UROC1: variants seen among roughly 807,000 people sequenced by gnomAD.
The protein encoded by UROC1 is urocanate hydratase 1, also known as urocanate hydratase.
UROC1 carries 79 observed loss-of-function variants against 89.5 expected under a neutral mutation model. The ratio of observed to expected loss-of-function variants is 0.88; its 90% CI spans 0.74 to 1.06. The LOEUF is 1.06. Ranked by LOEUF, UROC1 falls within the 50% of genes least tolerant of loss-of-function variation. The pLI is 0.00. For missense variants in UROC1, 885 were observed against 907.8 expected (o/e 0.97, Z 0.32); for synonymous variants, 361 against 354.8 (o/e 1.02, Z -0.20).
chr3:126,508,610 G>A (rs1377471347), intron 3 of UROC1, 135 bp from the exon 4 acceptor site: 1 of 699,010 alleles, frequency 1.4e-6, no homozygotes, highest in African/African-American at 1.8e-5. Context: ...GAGGCCCAGG[G>A]ACGGACACAT....
chr3:126,483,232 C>G, intron 19 of UROC1, 137 bp downstream of exon 19: 1 of 778,786 alleles, frequency 1.3e-6, no homozygotes, highest in Non-Finnish European at 2.2e-6. Context: ...CCCTTCCTGG[C>G]TGCTGTGCTG....
rs114487714 is a variant in UROC1, at chr3:126,501,057, G to A, written c.965+161C>T. ...GGAAGGCTGTGGGCAGGGCAGGGAC[G>A]GCTGCCTCAAGCTTGGGTAAGGGTG... On this transcript the variant is annotated intron_variant, in intron 10 of 19. Coordinates refer to ENST00000290868, the MANE Select transcript of UROC1 (RefSeq NM_144639.3). Among the ~76,000 whole-genome samples the A allele has an allele frequency of 2.6e-3, 400 of 152,324 alleles. 4 individuals are homozygous for A. Among genetic ancestry groups the A allele is most frequent in the African/African-American group, 8.9e-3 (372 of 41,576 alleles).
rs560289494 is a variant in UROC1, at chr3:126,483,443, C to T, written c.1816G>A (p.Gly606Ser). The part of the protein sequence containing the change: ...GWGEVINGGF[G>S]LVLDGTPEAE... ...TCCGGGGTACCGTCCAGCACGAGGC[C>T]GAATCCCCCGTTGATCACCTCACCC... is the stretch of plus-strand genomic sequence containing the variant. The change falls in exon 19 of 20, where the codon GGC becomes AGC. Residue 606 changes from glycine (G) to serine (S), a missense_variant. By Grantham distance (56) the Gly-to-Ser change is moderately conservative. Transcript: ENST00000290868. 20 of 1,613,884 alleles carry T rather than the reference C, an allele frequency of 1.2e-5. No homozygotes were observed. In the Middle Eastern group the frequency reaches 4.9e-4, roughly 40 times the overall value.
intron 11 of UROC1, 60 bp downstream of exon 11, chr3:126,500,635 G>A (rs1379791064): frequency 1.2e-6 from 2 of 1,606,456 alleles, no homozygotes; most frequent in African/African-American, 1.3e-5. Flanking sequence ...GGTGGCCAGA[G>A]CAGGACAAGG....
Position 126,491,521 on chromosome 3 carries a change from T to C in UROC1, c.1608+897A>G, listed in dbSNP as rs539367788. Among the ~76,000 whole-genome samples, 491 of 152,332 alleles carry C rather than the reference T, an allele frequency of 3.2e-3. 1 individual carries two copies. The highest frequency in any genetic ancestry group is 6.0e-3 in the Admixed American group (92 of 15,314). ...TCCAGGAAGCACTGGGTGGGTGCAT[T>C]TGGCTGTGCCCTAGCAGGGCTGGCT... On this transcript the variant is annotated intron_variant, in intron 16 of 19. Coordinates refer to ENST00000290868, the MANE Select transcript of UROC1 (RefSeq NM_144639.3).
chr3:126,501,076 A>G, intron 10 of UROC1, 142 bp downstream of exon 10: 1 of 1,186,594 alleles, frequency 8.4e-7, no homozygotes, highest in South Asian at 1.2e-5. Flanking sequence ...AAGCTTGGGT[A>G]AGGGTGTGGG....
Position 126,495,835 on chromosome 3 carries a change from A to G in UROC1, c.1509+203T>C, listed in dbSNP as rs901076344. On this transcript the variant is annotated intron_variant, in intron 15 of 19. Transcript: ENST00000290868. ...AAGGTCCCCGGCTTCTTTCTCCAGC[A>G]GCCCCTTGGGCTGCTTCCCCTCCCA... Among the ~76,000 whole-genome samples the G allele has an allele frequency of 4.6e-5, 7 of 152,320 alleles. 1 individual carries two copies. The highest frequency in any genetic ancestry group is 6.5e-5 in the Admixed American group (1 of 15,306).
In UROC1 at chr3:126,510,780, G is replaced by A. The variant is rs762041631; in HGVS notation, c.141C>T (p.Asn47=). 83 of 1,613,464 alleles carry A rather than the reference G, an allele frequency of 5.1e-5. No homozygotes were observed. Among genetic ancestry groups the A allele is most frequent in the Non-Finnish European group, 6.4e-5 (76 of 1,180,004 alleles). ...CATCCGGGGGGAAGTAGCGCAGGGC[G>A]TTCCTCAGCGCCAGCTGGGGTAGGA... ...SPVEKQLALR[N]ALRYFPPDVQ... is the part of the protein sequence containing the mutation. The change falls in exon 2 of 20, where the codon AAC becomes AAT. Residue 47 remains asparagine, a synonymous_variant. Coordinates refer to ENST00000290868, the MANE Select transcript of UROC1 (RefSeq NM_144639.3).
At chr3:126,491,359 G>A (rs1400334951) in intron 16 of UROC1, among the ~76,000 whole-genome samples, 1 of 152,240 alleles carries the variant, frequency 6.6e-6, no homozygotes, top group Non-Finnish European at 1.5e-5. Context: ...AGGACACGCT[G>A]CACAGTGGCC....
At chr3:126,494,925 C>T (rs1935743976) in intron 15 of UROC1, among the ~76,000 whole-genome samples, 1 of 151,792 alleles carries the variant, frequency 6.6e-6, no homozygotes, top group African/African-American at 2.4e-5. Context: ...CCTGTACAAG[C>T]AGGGCCACAG....
At chr3:126,484,786 C>G (rs1247272230) in intron 18 of UROC1, among the ~76,000 whole-genome samples, 1 of 152,208 alleles carries the variant, frequency 6.6e-6, no homozygotes, top group Non-Finnish European at 1.5e-5. Flanking sequence ...ACACCTCCCA[C>G]CAGCCTCCAG....
At position 126,505,777 on chromosome 3, in the gene UROC1, G is replaced by A. The variant is rs1306512121; in HGVS notation, c.737C>T (p.Thr246Ile). 1.2e-6 allele frequency: 2 copies of A among 1,613,802 alleles called. No individual in the cohort carries two copies. The highest frequency in any genetic ancestry group is 1.7e-5 in the Admixed American group (1 of 60,006). The change falls in exon 8 of 20, where the codon ACC (threonine) becomes ATC (isoleucine). Residue 246 changes from threonine to isoleucine, a missense_variant. Thr to Ile is a moderately conservative substitution (Grantham distance 89). Transcript: ENST00000290868. ...IEDLAGKVFV[T>I]SGLGGMSGAQ... ...CCCACTCATTCCGCCGAGCCCAGAG[G>A]TGACAAAGACCTTCCCAGCCAAGTC...
chr3:126,488,095 GA>G, intron 18 of UROC1, 102 bp downstream of exon 18: 1 of 1,234,810 alleles, frequency 8.1e-7, no homozygotes, highest in South Asian at 1.2e-5. Context: ...GGTGACCAGG[GA>G]GGTAGGGCCC....
chr3:126,504,093 T>C lies in UROC1; in HGVS notation c.814-10A>G, dbSNP rs371712383. 83 of 1,613,918 alleles carry C rather than the reference T, an allele frequency of 5.1e-5. No individual in the cohort carries two copies. The highest frequency in any genetic ancestry group is 6.8e-5 in the Non-Finnish European group (80 of 1,179,966). On this transcript the variant is annotated splice_polypyrimidine_tract_variant and intron_variant, in intron 8 of 19. Coordinates refer to ENST00000290868, the MANE Select transcript of UROC1 (RefSeq NM_144639.3). Reference sequence around the variant, plus strand: ...GGGCTGCTTTATCCACCTGGGGCCATGAGACATGGGGCCACGAGACATGGG... The same window carrying C: ...GGGCTGCTTTATCCACCTGGGGCCACGAGACATGGGGCCACGAGACATGGG...
At chr3:126,513,135 G>GGTGTGTGTGT (rs56301013) in intron 1 of UROC1, among the ~76,000 whole-genome samples, 452 of 147,890 alleles carry the variant, frequency 3.1e-3, no homozygotes, top group South Asian at 7.6e-3. Context: ...CACAGAGCAG[G>GGTGTGTGTGT]GTGTGTGTGT....
In UROC1 at chr3:126,492,511, C is replaced by T. The variant is rs764841705; in HGVS notation, c.1515G>A (p.Val505=). The part of the protein sequence containing the change: ...IREAARHRLV[V]GSQARILYSD... ...AGTACAGGATCCTTGCCTGGGAGCC[C>T]ACCACCTGAGGAGAGAAGGGCAACT... Residue 505 remains valine, a synonymous_variant, in exon 16 of 20, where the codon GTG becomes GTA. Coordinates refer to ENST00000290868, the MANE Select transcript of UROC1 (RefSeq NM_144639.3). 6.2e-7 allele frequency: 1 copy of T among 1,611,882 alleles called. No homozygotes were observed.
chr3:126,490,369 C>G (rs548303160), intron 16 of UROC1, among the ~76,000 whole-genome samples: 15 of 152,300 alleles, frequency 9.8e-5, no homozygotes, highest in African/African-American at 3.6e-4. Context: ...CTCCCTTATG[C>G]TGTGCATGGG....
At chr3:126,492,281 T>C in intron 16 of UROC1, 137 bp downstream of exon 16, 1 of 821,292 alleles carries the variant, frequency 1.2e-6, no homozygotes, top group Non-Finnish European at 2.0e-6. Context: ...AGCACTGGGC[T>C]GCTGAGGCCC....
At chr3:126,483,301 A>G in intron 19 of UROC1, 68 bp downstream of exon 19, 1 of 1,444,976 alleles carries the variant, frequency 6.9e-7, no homozygotes, top group Non-Finnish European at 9.7e-7. Flanking sequence ...TATGACAGCA[A>G]ACGTGGATGG....
Sources: allele counts gnomAD v4.1 joint callset (sites outside exome capture counted in the v4.1 genomes callset), GRCh38; gene constraint gnomAD v4.1.1; transcripts MANE v1.5; gene names NCBI Gene and HGNC (gene_info 2026-07-23, HGNC 2026-07-21).